The following SRD5A3 variants were observed in gnomAD, a reference collection of about 807,000 sequenced individuals.
The protein encoded by SRD5A3 is polyprenal reductase.
A neutral mutation model predicts 34.3 loss-of-function variants in SRD5A3; 24 were observed. The observed-to-expected ratio is 0.70, with a 90% CI of 0.51 to 0.99. The LOEUF (loss-of-function observed/expected upper bound fraction) is 0.99, where lower values mean the gene tolerates loss of function less well. SRD5A3 is among the 50% of genes least tolerant of loss of function. The pLI, the probability that SRD5A3 is intolerant of heterozygous loss-of-function variation, is 0.00. For missense variants in SRD5A3, 350 were observed against 388.2 expected (o/e 0.90, Z 0.83); for synonymous variants, 161 against 167.3 (o/e 0.96, Z 0.29).
At chr4:55,363,807 G>A (rs982563944) in intron 2 of SRD5A3, among the ~76,000 whole-genome samples, 2 of 152,194 alleles carry the variant, frequency 1.3e-5, no homozygotes, top group African/African-American at 2.4e-5. Flanking sequence ...CCTCCTGACC[G>A]TGATGTCCCT....
intron 1 of SRD5A3, among the ~76,000 whole-genome samples, chr4:55,354,202 A>T (rs936761857): frequency 1.3e-5 from 2 of 152,028 alleles, no homozygotes; most frequent in Admixed American, 1.3e-4. Context: ...GGTTCAAGTG[A>T]TTCTCGTGTC....
chr4:55,353,537 G>A (rs1719286134), intron 1 of SRD5A3, among the ~76,000 whole-genome samples: 2 of 152,214 alleles, frequency 1.3e-5, no homozygotes, highest in Admixed American at 1.3e-4. Context: ...GTCACTGGGG[G>A]TCCCCTTCTA....
chr4:55,351,468 C>T (rs1021853972), intron 1 of SRD5A3, among the ~76,000 whole-genome samples: 3 of 151,800 alleles, frequency 2.0e-5, no homozygotes, highest in Admixed American at 6.6e-5. Flanking sequence ...ATCCCAGCAC[C>T]GTGGGAGGCT....
chr4:55,355,635 T>C (rs1312965512), intron 1 of SRD5A3, among the ~76,000 whole-genome samples: 1 of 152,184 alleles, frequency 6.6e-6, no homozygotes, highest in Non-Finnish European at 1.5e-5. Context: ...TGCTTGACTT[T>C]AGGCTTGATA....
intron 2 of SRD5A3, among the ~76,000 whole-genome samples, chr4:55,363,485 AG>A (rs1406069120): frequency 6.6e-6 from 1 of 152,122 alleles, no homozygotes; most frequent in African/African-American, 2.4e-5. Context: ...AAAACAAAAA[AG>A]AAAAAAAGAG....
chr4:55,353,722 C>G (rs61224087), intron 1 of SRD5A3, among the ~76,000 whole-genome samples: 3,221 of 152,252 alleles, frequency 0.021, 118 homozygotes, highest in African/African-American at 0.074. Flanking sequence ...GGAGGCGCCA[C>G]CTTTAAGAGC....
rs184745388 is a variant in SRD5A3, at chr4:55,362,289, G to A, written c.365-1785G>A. ...ACTACAGGCATGCGCCACCATGCCC[G>A]GCTAATTTTTGTATTTTTAGTAGAG... On this transcript the variant is annotated intron_variant, in intron 2 of 4. Transcript: ENST00000264228. Among the ~76,000 whole-genome samples, 459 of 151,638 alleles carry A rather than the reference G, an allele frequency of 3.0e-3. 4 individuals are homozygous for A. The highest frequency in any genetic ancestry group is 0.011 in the African/African-American group (446 of 41,350).
intron 1 of SRD5A3, chr4:55,352,402 TC>T: frequency 1.3e-6 from 1 of 771,104 alleles, no homozygotes; most frequent in African/African-American, 1.7e-5. Context: ...TTCTTTTGCT[TC>T]CCCATGGTCA....
intron 1 of SRD5A3, among the ~76,000 whole-genome samples, chr4:55,347,420 G>C (rs1344003422): frequency 2.0e-5 from 3 of 152,138 alleles, no homozygotes; most frequent in Non-Finnish European, 4.4e-5. Flanking sequence ...CTTGAGTTCA[G>C]GAGTTCGAGA....
intron 2 of SRD5A3, 110 bp downstream of exon 2, chr4:55,359,598 G>A: frequency 6.9e-7 from 1 of 1,440,060 alleles, no homozygotes; most frequent in East Asian, 2.3e-5. Context: ...TCCTCAGAAG[G>A]GCCTGGGAAG....
At chr4:55,358,204 A>C (rs943772721) in intron 1 of SRD5A3, among the ~76,000 whole-genome samples, 1 of 152,194 alleles carries the variant, frequency 6.6e-6, no homozygotes. Context: ...AATAGAAAAA[A>C]ATAGAAAAGT....
At chr4:55,361,918 G>A (rs1396941188) in intron 2 of SRD5A3, among the ~76,000 whole-genome samples, 1 of 152,094 alleles carries the variant, frequency 6.6e-6, no homozygotes, top group African/African-American at 2.4e-5. Context: ...GACTGACTGG[G>A]GTGTTTTGGT....
chr4:55,366,401 C>A (rs567520918), intron 3 of SRD5A3, among the ~76,000 whole-genome samples: 24 of 152,292 alleles, frequency 1.6e-4, no homozygotes, highest in Admixed American at 5.2e-4. Context: ...TGGTCTCAAA[C>A]CCCTGGCCTC....
In SRD5A3 at chr4:55,372,012, C is replaced by T. The variant is rs796629538; in HGVS notation, c.*1921C>T. The T allele has an allele frequency of 6.6e-6, 1 of 152,192 alleles. No homozygotes were observed. Among genetic ancestry groups the T allele is most frequent in the South Asian group, 2.1e-4 (1 of 4,824 alleles). The allele number at this position is 152,192 out of a possible 1,614,324, so 9.4% of individuals were successfully genotyped here. A position where few individuals can be genotyped will look rare whatever the true frequency, so the allele number is the denominator to read the frequency against. ...AATTCTGATGGAGGATTTTCTCTCC[C>T]ATCAACCAAACACCACTTAAGATTA... is the stretch of plus-strand genomic sequence containing the variant. On this transcript the variant is annotated 3_prime_UTR_variant, in exon 5 of 5. Transcript: ENST00000264228.
chr4:55,350,545 G>A (rs1448895196), intron 1 of SRD5A3, among the ~76,000 whole-genome samples: 2 of 151,954 alleles, frequency 1.3e-5, no homozygotes, highest in Non-Finnish European at 2.9e-5. Context: ...AGGTTACAAA[G>A]TGATGTCATA....
In SRD5A3 at chr4:55,370,247, G is replaced by A. The variant is rs1720071790; in HGVS notation, c.*156G>A. On this transcript the variant is annotated 3_prime_UTR_variant, in exon 5 of 5. Coordinates refer to ENST00000264228, the MANE Select transcript of SRD5A3 (RefSeq NM_024592.5). ...GTTTTCACTGAATGAGCATGGCAGTGCCACTCAAGAAAATGAATCTCCAAA... is the reference window on the plus strand; with the variant it reads ...GTTTTCACTGAATGAGCATGGCAGTACCACTCAAGAAAATGAATCTCCAAA... 8 of 935,890 alleles carry A rather than the reference G, an allele frequency of 8.5e-6. No homozygotes were observed. In the East Asian group the frequency reaches 1.7e-4, roughly 20 times the overall value. 58.0% of individuals were successfully genotyped at this position (935,890 alleles called of 1,614,324 possible). A position where few individuals can be genotyped will look rare whatever the true frequency, so the allele number is the denominator to read the frequency against.
At chr4:55,352,831 G>A in intron 1 of SRD5A3, among the ~76,000 whole-genome samples, 1 of 152,156 alleles carries the variant, frequency 6.6e-6, no homozygotes, top group East Asian at 1.9e-4. Context: ...TGTAAAACCA[G>A]CCAGATAATT....
chr4:55,346,610 G>T, intron 1 of SRD5A3, 53 bp downstream of exon 1: 3 of 1,473,772 alleles, frequency 2.0e-6, no homozygotes, highest in Non-Finnish European at 1.8e-6. Flanking sequence ...AGAGTTCGGG[G>T]CGCCCCGGCT....
Position 55,371,874 on chromosome 4 carries a change from C to CA in SRD5A3, c.*1786dup, listed in dbSNP as rs1230674825. 6.6e-6 allele frequency: 1 copy of CA among 152,186 alleles called. No individual in the cohort carries two copies. Among genetic ancestry groups the CA allele is most frequent in the Non-Finnish European group, 1.5e-5 (1 of 68,070 alleles). 9.4% of individuals were successfully genotyped at this position (152,186 alleles called of 1,614,324 possible). On this transcript the variant is annotated 3_prime_UTR_variant, in exon 5 of 5. Transcript: ENST00000264228. ...TTCACCATGTTGGCCAGGCTGGTCT[C>CA]AAACTCCTGACCTCAGGTGATCCAC...
Sources: gnomAD v4.1 joint callset for allele counts (sites outside exome capture counted in the v4.1 genomes callset) on GRCh38, gnomAD v4.1.1 for gene constraint, MANE v1.5 for transcripts, NCBI Gene and HGNC (gene_info 2026-07-23, HGNC 2026-07-21) for gene names.